Variants in SLC28A1 observed in about 807,000 individuals in gnomAD.
The protein encoded by SLC28A1 is solute carrier family 28 member 1, also known as sodium/nucleoside cotransporter 1.
In SLC28A1, 64 loss-of-function variants were observed where a neutral mutation model predicts 74.8. The ratio of observed to expected loss-of-function variants is 0.86; its 90% confidence interval spans 0.70 to 1.05. The LOEUF (loss-of-function observed/expected upper bound fraction) is 1.05. SLC28A1 is among the 50% of genes least tolerant of loss of function. The probability of loss-of-function intolerance (pLI) is 0.00; values close to 1 mark genes in which losing one functional copy is unlikely to be tolerated. For missense variants in SLC28A1, 828 were observed against 822.8 expected (o/e 1.01, Z -0.08); for synonymous variants, 359 against 335.0 (o/e 1.07, Z -0.78).
intron 9 of SLC28A1, among the ~76,000 whole-genome samples, chr15:84,916,512 T>C (rs1969128135): frequency 6.6e-6 from 1 of 152,006 alleles, no homozygotes; most frequent in Non-Finnish European, 1.5e-5. Flanking sequence ...CCTCCCAAAG[T>C]GCTGGGATTA....
the SLC28A1 span, among the ~76,000 whole-genome samples, chr15:84,965,731 T>C: frequency 3.9e-5 from 6 of 152,162 alleles, no homozygotes; most frequent in African/African-American, 1.4e-4. Flanking sequence ...TCCTGTATCC[T>C]AGGAAATCTC....
intron 7 of SLC28A1, among the ~76,000 whole-genome samples, chr15:84,905,232 G>T (rs1966909161): frequency 6.6e-6 from 1 of 152,184 alleles, no homozygotes; most frequent in Non-Finnish European, 1.5e-5. Flanking sequence ...AGACCCCCAG[G>T]CCACATCTCT....
At chr15:84,903,049 G>GT (rs1966834930) in intron 6 of SLC28A1, among the ~76,000 whole-genome samples, 2 of 152,168 alleles carry the variant, frequency 1.3e-5, no homozygotes, top group Non-Finnish European at 1.5e-5. Context: ...TTCTTATAAA[G>GT]TCAGTTAACC....
intron 2 of SLC28A1, 79 bp from the exon 3 acceptor site, chr15:84,887,666 T>C: frequency 1.3e-6 from 2 of 1,574,086 alleles, no homozygotes; most frequent in Non-Finnish European, 1.7e-6. Context: ...CTCAGTCCTC[T>C]CCCCTTTCCC....
the SLC28A1 span, among the ~76,000 whole-genome samples, chr15:84,964,172 T>C: frequency 2.0e-5 from 3 of 152,100 alleles, no homozygotes; most frequent in Admixed American, 2.0e-4. Flanking sequence ...AGTATGCTTC[T>C]GGGGGAAGGA....
intron 13 of SLC28A1, 29 bp from the exon 14 acceptor site, chr15:84,934,997 G>T: frequency 1.2e-6 from 2 of 1,607,748 alleles, no homozygotes; most frequent in Non-Finnish European, 1.7e-6. Context: ...AGACAGGCCA[G>T]TAATGATCAT....
intron 15 of SLC28A1, among the ~76,000 whole-genome samples, chr15:84,940,025 G>A (rs1008523161): frequency 6.6e-6 from 1 of 151,978 alleles, no homozygotes; most frequent in Non-Finnish European, 1.5e-5. Flanking sequence ...ACGGGGTCTC[G>A]CCGTATTGCC....
At chr15:84,890,869 G>A (rs2141652448) in intron 5 of SLC28A1, among the ~76,000 whole-genome samples, 3 of 152,304 alleles carry the variant, frequency 2.0e-5, no homozygotes, top group Middle Eastern at 6.8e-3. Context: ...AGTTAGCCAG[G>A]TGGAGGTGAT....
At chr15:84,897,310 C>T (rs1300802489) in intron 6 of SLC28A1, among the ~76,000 whole-genome samples, 1 of 151,760 alleles carries the variant, frequency 6.6e-6, no homozygotes, top group Admixed American at 6.6e-5. Context: ...CACTTGAACC[C>T]GGGAGGCAGA....
rs377457535 is a variant in SLC28A1 at position 84,944,719 on chromosome 15, C to T, written c.1763-37C>T. On this transcript the variant is annotated intron_variant, in intron 17 of 18. Coordinates refer to ENST00000394573, the MANE Select transcript of SLC28A1 (RefSeq NM_004213.5). ...TGGAACCCTGACTTTCTGGCTAGCC[C>T]GGGGGCCCTGCCCCACCCACCACTT... 58 of 1,456,300 alleles carry T rather than the reference C, an allele frequency of 4.0e-5. 1 individual carries two copies. In the Middle Eastern group the frequency reaches 8.7e-4, roughly 22 times the overall value. The allele number at this position is 1,456,300 out of a possible 1,614,324, so 90.2% of individuals were successfully genotyped here. A position where few individuals can be genotyped will look rare whatever the true frequency, so the allele number is the denominator to read the frequency against.
At chr15:84,943,151 A>G (rs1972901349) in intron 15 of SLC28A1, among the ~76,000 whole-genome samples, 1 of 152,152 alleles carries the variant, frequency 6.6e-6, no homozygotes, top group Non-Finnish European at 1.5e-5. Context: ...GTGCCACTGC[A>G]CTCCAGCCTG....
intron 1 of SLC28A1, among the ~76,000 whole-genome samples, chr15:84,885,142 A>G (rs1393536473): frequency 6.6e-6 from 1 of 151,764 alleles, no homozygotes. Context: ...TATTTTTAGT[A>G]GAGACGGGGT....
chr15:84,962,880 G>C, the SLC28A1 span, among the ~76,000 whole-genome samples: 1 of 152,198 alleles, frequency 6.6e-6, no homozygotes, highest in Non-Finnish European at 1.5e-5. Flanking sequence ...GTACACTCAG[G>C]GAGAGTGGAT....
At chr15:84,909,176 A>G (rs1267181548) in intron 9 of SLC28A1, among the ~76,000 whole-genome samples, 1 of 152,026 alleles carries the variant, frequency 6.6e-6, no homozygotes, top group African/African-American at 2.4e-5. Flanking sequence ...GCCCAGAAAG[A>G]GCAGTTTCCA....
rs759593679 is a variant in SLC28A1, at chr15:84,905,646, G to A, written c.711G>A (p.Gln237=). The change falls in exon 8 of 19, where the codon CAG becomes CAA. Residue 237 remains glutamine, a synonymous_variant. Transcript: ENST00000394573. ...GFIAFEWLGE[Q]IRIFLSYTKA... ...TTGCGTTCGAGTGGCTGGGCGAGCA[G>A]ATCCGGGTAGGTATGTGGGGTCTGG... is the stretch of plus-strand genomic sequence containing the variant. The A allele has an allele frequency of 6.8e-6, 11 of 1,610,504 alleles. No homozygotes were observed. The African/African-American group carries it at 1.1e-4, about 16-fold the overall frequency.
intron 16 of SLC28A1, among the ~76,000 whole-genome samples, chr15:84,943,894 ACT>A (rs766210783): frequency 6.7e-6 from 1 of 150,360 alleles, no homozygotes; most frequent in Non-Finnish European, 1.5e-5. Context: ...ACAGAGCGAG[ACT>A]CTGTCTCAAA....
intron 11 of SLC28A1, among the ~76,000 whole-genome samples, chr15:84,923,460 C>A (rs181016132): frequency 6.6e-6 from 1 of 152,100 alleles, no homozygotes; most frequent in South Asian, 2.1e-4. Flanking sequence ...ACACAGTAGG[C>A]GCTCAACAAC....
chr15:84,970,609 G>A, the SLC28A1 span, among the ~76,000 whole-genome samples: 27 of 152,194 alleles, frequency 1.8e-4, no homozygotes, highest in Non-Finnish European at 3.7e-4. Context: ...GGTGGCAGTC[G>A]GGGGTAAATT....
intron 2 of SLC28A1, 68 bp from the exon 3 acceptor site, chr15:84,887,677 C>G (rs574440003): frequency 7.0e-6 from 11 of 1,580,850 alleles, no homozygotes; most frequent in Admixed American, 6.9e-5. Flanking sequence ...CCCCTTTCCC[C>G]GGGCCCCTAA....
Sources: gnomAD v4.1 joint callset for allele counts (sites outside exome capture counted in the v4.1 genomes callset) on GRCh38, gnomAD v4.1.1 for gene constraint, MANE v1.5 for transcripts, NCBI Gene and HGNC (gene_info 2026-07-23, HGNC 2026-07-21) for gene names.